The following ABCA13 variants were observed in gnomAD, a reference collection of about 807,000 sequenced individuals.
ABCA13 encodes the protein ATP binding cassette subfamily A member 13, also known as ATP-binding cassette sub-family A member 13.
In ABCA13, 476 loss-of-function variants were observed where a neutral mutation model predicts 478.7. The ratio of observed to expected loss-of-function variants is 0.99; its 90% CI spans 0.92 to 1.07. The LOEUF is 1.07. Among genes scored for constraint, ABCA13 ranks in the 50% least tolerant of loss-of-function variants. The probability of loss-of-function intolerance (pLI) is 0.00; values close to 1 mark genes in which losing one functional copy is unlikely to be tolerated. For missense variants in ABCA13, 6,060 were observed against 5,910.6 expected (o/e 1.03, Z -0.83); for synonymous variants, 2,252 against 2,158.9 (o/e 1.04, Z -1.20).
rs1362991674 is a variant in ABCA13 at position 48,273,331 on chromosome 7, T to G, written c.3665T>G (p.Phe1222Cys). 1.2e-6 allele frequency: 2 copies of G among 1,613,680 alleles called. No individual in the cohort carries two copies. The highest frequency in any genetic ancestry group is 2.2e-5 in the South Asian group (2 of 91,064). Reference protein sequence around the residue: ...LFKNVTQANDFHNWEDFLDLR... With the variant: ...LFKNVTQANDCHNWEDFLDLR... ...AAAAATGTAACTCAAGCCAATGACT[T>G]CCATAATTGGGAGGACTTCCTGGAT... The change falls in exon 17 of 62, where the codon TTC (phenylalanine) becomes TGC (cysteine). Residue 1222 changes from phenylalanine (F) to cysteine (C), a missense_variant. Phe to Cys is a radical substitution (Grantham distance 205, BLOSUM62 -2). Around this residue, in one of 3 missense-constraint regions of ABCA13, gnomAD observed 4,423 missense variants for 4,309.1 expected, o/e 1.03. Coordinates refer to ENST00000435803, the MANE Select transcript of ABCA13 (RefSeq NM_152701.5).
rs1343257966 is a variant in ABCA13, at chr7:48,372,374, A to G, written c.11010A>G (p.Ala3670=). The G allele has an allele frequency of 6.2e-7, 1 of 1,613,836 alleles. No individual in the cohort carries two copies. Among genetic ancestry groups the G allele is most frequent in the African/African-American group, 1.3e-5 (1 of 75,008 alleles). Residue 3670 remains alanine, a synonymous_variant, in exon 33 of 62, where the codon GCA becomes GCG. Transcript: ENST00000435803. The stretch of plus-strand genomic sequence containing the variant: ...TCATGCTGAGCTACCTCTTGAGTGC[A>G]TTTTTCAGCCAAGCTAATACAGCGG... ...SVVMLSYLLS[A]FFSQANTAAL...
intron 41 of ABCA13, among the ~76,000 whole-genome samples, chr7:48,423,040 T>A (rs1820979275): frequency 6.6e-6 from 1 of 152,190 alleles, no homozygotes; most frequent in South Asian, 2.1e-4. Flanking sequence ...AAATACATTG[T>A]CTTAAGCCAC....
chr7:48,303,872 GA>G (rs1309695635), intron 23 of ABCA13, among the ~76,000 whole-genome samples: 2 of 152,154 alleles, frequency 1.3e-5, no homozygotes, highest in Non-Finnish European at 2.9e-5. Context: ...CGTTAGTGCA[GA>G]AAGATTACCA....
chr7:48,297,207 T>C, intron 21 of ABCA13, 25 bp from the exon 22 acceptor site: 1 of 1,571,536 alleles, frequency 6.4e-7, no homozygotes, highest in African/African-American at 1.3e-5. Context: ...TTGCCTAATT[T>C]AGCTTTAATT....
chr7:48,531,209 CT>C, intron 55 of ABCA13, among the ~76,000 whole-genome samples: 1 of 152,236 alleles, frequency 6.6e-6, no homozygotes, highest in East Asian at 1.9e-4. Flanking sequence ...CAACATGTGG[CT>C]TGCTAATTAT....
At chr7:48,331,583 G>A (rs1003182361) in intron 27 of ABCA13, among the ~76,000 whole-genome samples, 1 of 152,110 alleles carries the variant, frequency 6.6e-6, no homozygotes, top group Non-Finnish European at 1.5e-5. Context: ...TAATTTGGAG[G>A]CAGTTGTAGA....
intron 39 of ABCA13, among the ~76,000 whole-genome samples, chr7:48,404,912 T>C (rs1486685322): frequency 1.3e-5 from 2 of 152,232 alleles, no homozygotes; most frequent in East Asian, 3.9e-4. Flanking sequence ...GTGGGAAAAT[T>C]GAGCAAGCAG....
intron 55 of ABCA13, among the ~76,000 whole-genome samples, chr7:48,553,236 C>G (rs1785491211): frequency 6.6e-6 from 1 of 152,068 alleles, no homozygotes; most frequent in South Asian, 2.1e-4. Context: ...AGGTTACTTC[C>G]AAATCTTACC....
chr7:48,418,292 T>C (rs4917137), intron 41 of ABCA13, among the ~76,000 whole-genome samples: 58,351 of 152,036 alleles, frequency 0.38, 11,839 homozygotes, highest in African/African-American at 0.52. Flanking sequence ...CACCATTTTG[T>C]GTTTCCACCA....
At chr7:48,214,417 A>G (rs1786132682) in intron 3 of ABCA13, among the ~76,000 whole-genome samples, 2 of 152,296 alleles carry the variant, frequency 1.3e-5, no homozygotes, top group East Asian at 1.9e-4. Context: ...TTAGCCCCTA[A>G]CAAGAGAGTC....
At chr7:48,570,296 C>T (rs1332800104) in intron 55 of ABCA13, among the ~76,000 whole-genome samples, 2 of 139,874 alleles carry the variant, frequency 1.4e-5, no homozygotes, top group Non-Finnish European at 3.1e-5. Context: ...ATACTGATTT[C>T]ATTGTATATC....
At chr7:48,516,652 A>C in intron 51 of ABCA13, 73 bp from the exon 52 acceptor site, 1 of 1,472,204 alleles carries the variant, frequency 6.8e-7, no homozygotes, top group Non-Finnish European at 9.4e-7. Context: ...AGGTCTTAGA[A>C]TGTATCTGCC....
At chr7:48,204,934 C>G (rs879283810) in intron 3 of ABCA13, among the ~76,000 whole-genome samples, 10 of 152,140 alleles carry the variant, frequency 6.6e-5, no homozygotes, top group Non-Finnish European at 1.3e-4. Context: ...CCAGAGTCTC[C>G]CCTCCTGACC....
At chr7:48,186,598 C>T (rs939909100) in intron 1 of ABCA13, among the ~76,000 whole-genome samples, 1 of 151,908 alleles carries the variant, frequency 6.6e-6, no homozygotes, top group Non-Finnish European at 1.5e-5. Context: ...AAATTTTAGC[C>T]ACTAGTTACT....
chr7:48,257,950 A>T (rs990281595), intron 15 of ABCA13, among the ~76,000 whole-genome samples: 2 of 151,964 alleles, frequency 1.3e-5, no homozygotes, highest in African/African-American at 4.8e-5. Context: ...TTGAGACAGG[A>T]TCTCACTCTG....
At chr7:48,264,236 C>T (rs1562908819) in intron 15 of ABCA13, among the ~76,000 whole-genome samples, 1 of 151,864 alleles carries the variant, frequency 6.6e-6, no homozygotes, top group Non-Finnish European at 1.5e-5. Context: ...TCTGGCTTTA[C>T]AAGTAAAGCT....
At chr7:48,369,545 A>G (rs1048008801) in intron 32 of ABCA13, among the ~76,000 whole-genome samples, 3 of 152,118 alleles carry the variant, frequency 2.0e-5, no homozygotes, top group Non-Finnish European at 2.9e-5. Flanking sequence ...TAAGTCTTTT[A>G]TCCACCTTGA....
intron 16 of ABCA13, among the ~76,000 whole-genome samples, chr7:48,271,348 AT>A (rs5884038): frequency 0.73 from 110,773 of 151,974 alleles, 41,117 homozygotes; most frequent in East Asian, 0.99. Flanking sequence ...GAGCACTGGA[AT>A]TTGCCTTCCA....
intron 28 of ABCA13, 71 bp from the exon 29 acceptor site, chr7:48,338,294 G>A: frequency 8.8e-7 from 1 of 1,133,824 alleles, no homozygotes. Context: ...CTTTGAATAA[G>A]TCTAATAAGT....
Sources: allele counts gnomAD v4.1 joint callset (sites outside exome capture counted in the v4.1 genomes callset), GRCh38; gene constraint gnomAD v4.1.1; regional missense constraint gnomAD v4.1.1; transcripts MANE v1.5; gene names NCBI Gene and HGNC (gene_info 2026-07-23, HGNC 2026-07-21).